RCN1: variants seen among roughly 807,000 people sequenced by gnomAD.
RCN1 encodes reticulocalbin-1.
A neutral mutation model predicts 34.7 loss-of-function variants in RCN1; 14 were observed. That is an observed-to-expected ratio of 0.40 (90% CI 0.27 to 0.63). RCN1 has a LOEUF of 0.63. Among genes scored for constraint, RCN1 ranks in the 30% least tolerant of loss-of-function variants. RCN1 has a pLI of 0.37. For synonymous variants in RCN1, 125 were observed against 165.5 expected (o/e 0.76, Z 1.88); for missense variants, 326 against 425.1 (o/e 0.77, Z 2.05).
chr11:32,098,970 T>TGGTCCCTCC (rs1235111334), intron 3 of RCN1, among the ~76,000 whole-genome samples: 3 of 152,290 alleles, frequency 2.0e-5, no homozygotes, highest in Admixed American at 2.0e-4. Context: ...TATGTTCCAC[T>TGGTCCCTCC]GGTCCCTCCT....
chr11:32,097,474 C>A (rs2133474703), intron 2 of RCN1, 137 bp downstream of exon 2: 1 of 515,484 alleles, frequency 1.9e-6, no homozygotes, highest in Non-Finnish European at 3.2e-6. Context: ...TTGTATAACA[C>A]CCTCCTCTGT....
intron 1 of RCN1, chr11:32,096,613 A>AC (rs1851975193): frequency 3.5e-5 from 3 of 86,044 alleles, no homozygotes; most frequent in Non-Finnish European, 7.5e-5. Context: ...TAAAAAAAAA[A>AC]ATCACTTATC....
chr11:32,092,479 T>G (rs1199128291), intron 1 of RCN1, among the ~76,000 whole-genome samples: 3 of 151,970 alleles, frequency 2.0e-5, no homozygotes, highest in African/African-American at 7.3e-5. Context: ...CTTTGGCAAC[T>G]GATTTGTTTG....
chr11:32,098,520 G>A lies in RCN1; in HGVS notation c.619G>A (p.Val207Met), dbSNP rs1851999724. The change falls in exon 3 of 6, where the codon GTG becomes ATG. Residue 207 changes from valine to methionine, a missense_variant. Transcript: ENST00000054950. ...AGAGTTTGAACATATGAAGGAAATT[G>A]TGGTTTTGGTAAGATAAGTGAAGAG... ...PEEFEHMKEI[V>M]VLETLEDIDK... The A allele has an allele frequency of 1.2e-6, 2 of 1,609,290 alleles. No homozygotes were observed. Among genetic ancestry groups the A allele is most frequent in the East Asian group, 2.2e-5 (1 of 44,798 alleles).
Position 32,103,304 on chromosome 11 carries a change from A to G in RCN1, c.712A>G (p.Asn238Asp). 6.2e-7 allele frequency: 1 copy of G among 1,614,078 alleles called. No individual in the cohort carries two copies. The highest frequency in any genetic ancestry group is 1.1e-5 in the South Asian group (1 of 91,086). The change falls in exon 5 of 6, where the codon AAT becomes GAT. Residue 238 changes from asparagine (N) to aspartate (D), a missense_variant. Transcript: ENST00000054950. ...AGCGGATATGTTTTCCCATGAGGAG[A>G]ATGGCCCTGAGCCAGACTGGGTTTT... ...YIADMFSHEE[N>D]GPEPDWVLSE...
Position 32,098,482 on chromosome 11 carries a change from T to G in RCN1, c.581T>G (p.Phe194Cys). Residue 194 changes from phenylalanine (F) to cysteine (C), a missense_variant, in exon 3 of 6, where the codon TTT becomes TGT. Physicochemically the swap from Phe to Cys is radical, Grantham distance 205. Coordinates refer to ENST00000054950, the MANE Select transcript of RCN1 (RefSeq NM_002901.4). The stretch of plus-strand genomic sequence containing the variant: ...GCTACTCGGGAGGAGTTCACTGCCT[T>G]TCTGCATCCTGAAGAGTTTGAACAT... ...LTATREEFTA[F>C]LHPEEFEHMK... The G allele has an allele frequency of 6.2e-7, 1 of 1,614,002 alleles. No individual in the cohort carries two copies. Among genetic ancestry groups the G allele is most frequent in the South Asian group, 1.1e-5 (1 of 91,028 alleles).
intron 3 of RCN1, among the ~76,000 whole-genome samples, chr11:32,100,193 C>T (rs1433011206): frequency 6.6e-6 from 1 of 152,170 alleles, no homozygotes; most frequent in Non-Finnish European, 1.5e-5. Context: ...TCATCTAATC[C>T]AGTGGTTCTC....
intron 1 of RCN1, among the ~76,000 whole-genome samples, chr11:32,094,988 A>T (rs998519958): frequency 2.0e-5 from 3 of 152,140 alleles, no homozygotes; most frequent in Admixed American, 2.0e-4. Context: ...TATGTCCTAG[A>T]TGTTTATTTG....
rs555382209 is a variant in RCN1, at chr11:32,095,436, C to G, written c.255-1708C>G. 2.6e-5 allele frequency among the ~76,000 whole-genome samples: 4 copies of G among 151,734 alleles called. No homozygotes were observed. In the East Asian group the frequency reaches 7.9e-4, roughly 30 times the overall value. On this transcript the variant is annotated intron_variant, in intron 1 of 5. Coordinates refer to ENST00000054950, the MANE Select transcript of RCN1 (RefSeq NM_002901.4). ...TAATTTTTTTATTTTGAGACGGAGT[C>G]TTGCCCTGTCGCCCAGGCTGGAGTG...
At chr11:32,092,798 T>C (rs1003739325) in intron 1 of RCN1, among the ~76,000 whole-genome samples, 1 of 152,150 alleles carries the variant, frequency 6.6e-6, no homozygotes, top group Non-Finnish European at 1.5e-5. Context: ...ATCTTCATGT[T>C]CTGCCACATG....
chr11:32,100,453 CAG>C (rs1477758331), intron 3 of RCN1, 93 bp from the exon 4 acceptor site: 11 of 985,012 alleles, frequency 1.1e-5, no homozygotes, highest in Non-Finnish European at 1.8e-5. Flanking sequence ...ACCAAGCATT[CAG>C]CCGTAAAAGC....
At chr11:32,091,594 T>C in intron 1 of RCN1, 144 bp downstream of exon 1, 1 of 1,081,404 alleles carries the variant, frequency 9.2e-7, no homozygotes, top group Non-Finnish European at 1.3e-6. Context: ...AACTCGGCGC[T>C]GGGGCTCAGG....
intron 1 of RCN1, among the ~76,000 whole-genome samples, chr11:32,092,574 G>A (rs1851934592): frequency 6.6e-6 from 1 of 152,078 alleles, no homozygotes; most frequent in Admixed American, 6.6e-5. Context: ...AACCAAACCC[G>A]GGAAACAAAA....
intron 1 of RCN1, among the ~76,000 whole-genome samples, chr11:32,094,552 A>G (rs983971083): frequency 6.6e-6 from 1 of 152,182 alleles, no homozygotes; most frequent in African/African-American, 2.4e-5. Flanking sequence ...TTGAGAACAA[A>G]TGATGATGGA....
rs1386291121 is a variant in RCN1, at chr11:32,105,632, T to C, written c.*1160T>C. 1.3e-5 allele frequency: 2 copies of C among 152,218 alleles called. No homozygotes were observed. The highest frequency in any genetic ancestry group is 4.8e-5 in the African/African-American group (2 of 41,454). 9.4% of individuals were successfully genotyped at this position (152,218 alleles called of 1,614,324 possible). A position where few individuals can be genotyped will look rare whatever the true frequency, so the allele number is the denominator to read the frequency against. On this transcript the variant is annotated 3_prime_UTR_variant, in exon 6 of 6. Transcript: ENST00000054950. ...GGGTTGGATCCCATGAATAACATTA[T>C]AAAGGTTCTGGGGTTTTTTTTCATC... is the stretch of plus-strand genomic sequence containing the variant.
At chr11:32,103,556 C>T (rs1852072958) in intron 5 of RCN1, 76 bp downstream of exon 5, 4 of 1,297,690 alleles carry the variant, frequency 3.1e-6, no homozygotes, top group East Asian at 2.3e-5. Context: ...GCTTTTTCGG[C>T]GATAGCATTG....
chr11:32,095,704 G>A (rs1851966871), intron 1 of RCN1, among the ~76,000 whole-genome samples: 2 of 151,786 alleles, frequency 1.3e-5, no homozygotes, highest in Non-Finnish European at 2.9e-5. Flanking sequence ...CACCATGCCC[G>A]GCCATTCCTG....
chr11:32,097,686 G>A (rs970542297), intron 2 of RCN1, among the ~76,000 whole-genome samples: 2 of 152,222 alleles, frequency 1.3e-5, no homozygotes, highest in Non-Finnish European at 2.9e-5. Flanking sequence ...AGCAAGGATT[G>A]AGTGGGCCGG....
Position 32,091,418 on chromosome 11 carries a change from G to C in RCN1, c.222G>C (p.Gln74His). The change falls in exon 1 of 6, where the codon CAG (glutamine) becomes CAC (histidine). Residue 74 changes from glutamine to histidine, a missense_variant. Transcript: ENST00000054950. ...LGKEDSKTFDQLTPDESKERL... is the reference protein window; with the variant it reads ...LGKEDSKTFDHLTPDESKERL... ...AGGAGGACTCCAAGACCTTCGACCA[G>C]CTCACCCCGGACGAGAGCAAGGAGA... 2.6e-6 allele frequency: 4 copies of C among 1,548,388 alleles called. No homozygotes were observed. The highest frequency in any genetic ancestry group is 2.5e-5 in the East Asian group (1 of 40,698).
Sources: gnomAD v4.1 joint callset for allele counts (sites outside exome capture counted in the v4.1 genomes callset) on GRCh38, gnomAD v4.1.1 for gene constraint, MANE v1.5 for transcripts, NCBI Gene and HGNC (gene_info 2026-07-23, HGNC 2026-07-21) for gene names.